The following AGMO variants were observed in gnomAD, a reference collection of about 807,000 sequenced individuals.
AGMO encodes the protein glyceryl-ether monooxygenase.
In AGMO, 75 loss-of-function variants were observed where a neutral mutation model predicts 60.2. The ratio of observed to expected loss-of-function variants is 1.25; its 90% CI spans 1.03 to 1.51. AGMO has a LOEUF of 1.51. AGMO is among the 40% of genes most tolerant of loss of function. The probability of loss-of-function intolerance (pLI) is 0.00; values close to 1 mark genes in which losing one functional copy is unlikely to be tolerated. For missense variants in AGMO, 763 were observed against 525.5 expected (o/e 1.45, Z -4.42); for synonymous variants, 261 against 177.1 (o/e 1.47, Z -3.76).
intron 10 of AGMO, among the ~76,000 whole-genome samples, chr7:15,372,098 T>C (rs1207722618): frequency 6.6e-6 from 1 of 152,090 alleles, no homozygotes; most frequent in Admixed American, 6.6e-5. Context: ...AACTTAAGTT[T>C]TTCTATATAG....
chr7:15,459,787 A>T (rs1782097186), intron 3 of AGMO, among the ~76,000 whole-genome samples: 1 of 152,080 alleles, frequency 6.6e-6, no homozygotes, highest in Non-Finnish European at 1.5e-5. Flanking sequence ...TAAGAATGAG[A>T]TACCTATATT....
chr7:15,520,874 A>T (rs1783965539), intron 3 of AGMO, among the ~76,000 whole-genome samples: 1 of 152,200 alleles, frequency 6.6e-6, no homozygotes, highest in South Asian at 2.1e-4. Flanking sequence ...GGATATAAAG[A>T]CATGATAAAT....
At chr7:15,218,195 AAC>A (rs1439252387) in intron 12 of AGMO, among the ~76,000 whole-genome samples, 1 of 152,160 alleles carries the variant, frequency 6.6e-6, no homozygotes, top group Non-Finnish European at 1.5e-5. Context: ...GTGAAAATGT[AAC>A]AGTGTGAAAT....
intron 2 of AGMO, among the ~76,000 whole-genome samples, chr7:15,554,181 G>C (rs780176606): frequency 6.6e-6 from 1 of 151,894 alleles, no homozygotes; most frequent in Non-Finnish European, 1.5e-5. Flanking sequence ...ATAAACCAAA[G>C]TTCCTTCCTC....
At chr7:15,245,141 T>G (rs757351752) in intron 12 of AGMO, among the ~76,000 whole-genome samples, 3 of 152,204 alleles carry the variant, frequency 2.0e-5, no homozygotes, top group Non-Finnish European at 4.4e-5. Flanking sequence ...AGTACCCTAG[T>G]AGATTAGGGT....
the AGMO span, among the ~76,000 whole-genome samples, chr7:15,173,963 C>A: frequency 9.9e-5 from 15 of 151,652 alleles, no homozygotes; most frequent in East Asian, 1.7e-3. Flanking sequence ...ATCTTTAATA[C>A]ATTTTAAACT....
intron 12 of AGMO, chr7:15,358,160 G>C (rs561197742): frequency 2.8e-4 from 52 of 188,090 alleles, no homozygotes; most frequent in African/African-American, 1.2e-3. Context: ...TTTAAGAGTT[G>C]AAATTACAAC....
chr7:15,165,996 A>G, the AGMO span, among the ~76,000 whole-genome samples: 2 of 152,136 alleles, frequency 1.3e-5, no homozygotes, highest in East Asian at 3.9e-4. Context: ...TATATCATTC[A>G]TTTGTTCAAT....
chr7:15,424,514 C>A (rs1475192449), intron 4 of AGMO, among the ~76,000 whole-genome samples: 1 of 152,164 alleles, frequency 6.6e-6, no homozygotes, highest in African/African-American at 2.4e-5. Context: ...TAAAGAAAAA[C>A]ACTGAAAATC....
intron 12 of AGMO, among the ~76,000 whole-genome samples, chr7:15,273,939 A>C (rs1360174496): frequency 6.6e-6 from 1 of 152,176 alleles, no homozygotes; most frequent in African/African-American, 2.4e-5. Flanking sequence ...TTATTTGTGT[A>C]TAAGAATGCT....
chr7:15,182,240 T>G, the AGMO span, among the ~76,000 whole-genome samples: 1 of 152,224 alleles, frequency 6.6e-6, no homozygotes, highest in Non-Finnish European at 1.5e-5. Context: ...GTACAGGATT[T>G]CAGTTTAGGA....
In AGMO at chr7:15,531,130, G is replaced by A. The variant is rs374337016; in HGVS notation, c.409+13642C>T. Among the ~76,000 whole-genome samples the A allele has an allele frequency of 6.9e-3, 197 of 28,570 alleles. 20 individuals are homozygous for A. The highest frequency in any genetic ancestry group is 0.026 in the African/African-American group (167 of 6,512). 18.7% of individuals were successfully genotyped at this position (28,570 alleles called of 152,430 possible). Reference sequence around the variant, plus strand: ...TCTATATATATTCTATATATATTCTGTATATATTCTATATATATTCTATAT... The same window carrying A: ...TCTATATATATTCTATATATATTCTATATATATTCTATATATATTCTATAT... On this transcript the variant is annotated intron_variant, in intron 3 of 12. Coordinates refer to ENST00000342526, the MANE Select transcript of AGMO (RefSeq NM_001004320.2).
the AGMO span, among the ~76,000 whole-genome samples, chr7:15,150,799 T>A: frequency 6.6e-6 from 1 of 152,126 alleles, no homozygotes; most frequent in Non-Finnish European, 1.5e-5. Context: ...TTTGTTAGTA[T>A]CAGAATGATG....
chr7:15,370,720 A>AT (rs150158392), intron 10 of AGMO, among the ~76,000 whole-genome samples: 1 of 146,486 alleles, frequency 6.8e-6, no homozygotes, highest in Non-Finnish European at 1.5e-5. Context: ...TTCTTTGCCC[A>AT]TTTTTTAATG....
At chr7:15,294,237 T>C (rs1383939718) in intron 12 of AGMO, among the ~76,000 whole-genome samples, 1 of 145,224 alleles carries the variant, frequency 6.9e-6, no homozygotes, top group East Asian at 1.9e-4. Context: ...TCTAAAGATA[T>C]TATCACATAT....
At chr7:15,260,481 A>G (rs191496673) in intron 12 of AGMO, among the ~76,000 whole-genome samples, 1 of 152,240 alleles carries the variant, frequency 6.6e-6, no homozygotes, top group African/African-American at 2.4e-5. Flanking sequence ...TTCTAAATAT[A>G]TATGCACTTA....
chr7:15,259,199 G>C (rs551778613), intron 12 of AGMO, among the ~76,000 whole-genome samples: 1 of 151,908 alleles, frequency 6.6e-6, no homozygotes, highest in Non-Finnish European at 1.5e-5. Flanking sequence ...GAAATAGATA[G>C]CATAAATAAA....
chr7:15,118,209 C>CACACACAT, the AGMO span, among the ~76,000 whole-genome samples: 8 of 149,368 alleles, frequency 5.4e-5, no homozygotes, highest in African/African-American at 1.7e-4. Context: ...CACACACACA[C>CACACACAT]ATATATACAA....
At chr7:15,204,845 ATGTG>A (rs149200960) in intron 12 of AGMO, among the ~76,000 whole-genome samples, 1 of 151,844 alleles carries the variant, frequency 6.6e-6, no homozygotes, top group African/African-American at 2.4e-5. Flanking sequence ...CCTCTCAGTT[ATGTG>A]TGTGTGTGTT....
Sources: gnomAD v4.1 joint callset for allele counts (sites outside exome capture counted in the v4.1 genomes callset) on GRCh38, gnomAD v4.1.1 for gene constraint, MANE v1.5 for transcripts, NCBI Gene and HGNC (gene_info 2026-07-23, HGNC 2026-07-21) for gene names.